PAQR5: variants seen among roughly 807,000 people sequenced by gnomAD.
The protein encoded by PAQR5 is progestin and adipoQ receptor family member 5.
PAQR5 carries 20 observed loss-of-function variants against 34.5 expected under a neutral mutation model. The observed-to-expected ratio is 0.58, with a 90% CI of 0.41 to 0.84. The LOEUF is 0.84. Ranked by LOEUF, PAQR5 falls within the 40% of genes least tolerant of loss-of-function variation. The probability of loss-of-function intolerance (pLI) is 0.00; values close to 1 mark genes in which losing one functional copy is unlikely to be tolerated. For missense variants in PAQR5, 378 were observed against 412.7 expected, an observed-to-expected ratio of 0.92 and a Z score of 0.73; for synonymous variants, 131 against 155.6, an observed-to-expected ratio of 0.84 and a Z score of 1.18.
At chr15:69,374,482 C>T (rs954449972) in intron 3 of PAQR5, among the ~76,000 whole-genome samples, 5 of 152,118 alleles carry the variant, frequency 3.3e-5, no homozygotes, top group African/African-American at 1.2e-4. Flanking sequence ...TTGAGACCAG[C>T]CTGACCAACA....
chr15:69,338,539 A>T (rs1406353039), intron 2 of PAQR5, among the ~76,000 whole-genome samples: 2 of 152,186 alleles, frequency 1.3e-5, no homozygotes, highest in African/African-American at 4.8e-5. Flanking sequence ...ACAGTTAGAA[A>T]GCGGTTCCAC....
chr15:69,333,278 T>C (rs1373976409), intron 1 of PAQR5, among the ~76,000 whole-genome samples: 1 of 152,186 alleles, frequency 6.6e-6, no homozygotes, highest in Non-Finnish European at 1.5e-5. Context: ...ACCCCAGGAA[T>C]TAAAAGCGGA....
intron 1 of PAQR5, among the ~76,000 whole-genome samples, chr15:69,300,159 G>T (rs1335594817): frequency 1.3e-5 from 2 of 152,034 alleles, no homozygotes; most frequent in Non-Finnish European, 2.9e-5. Context: ...CACCCCCCTA[G>T]GTTCTGCCTG....
At chr15:69,354,712 C>G (rs1267587818) in intron 2 of PAQR5, among the ~76,000 whole-genome samples, 3 of 152,140 alleles carry the variant, frequency 2.0e-5, no homozygotes, top group Non-Finnish European at 4.4e-5. Flanking sequence ...TAGAGAACTG[C>G]TAAGCGTGAT....
chr15:69,378,623 C>A (rs569621872), intron 3 of PAQR5, among the ~76,000 whole-genome samples: 1 of 151,980 alleles, frequency 6.6e-6, no homozygotes, highest in African/African-American at 2.4e-5. Flanking sequence ...AGAGGGTTTG[C>A]AACTTATTGT....
At chr15:69,377,146 A>G (rs906457448) in intron 3 of PAQR5, among the ~76,000 whole-genome samples, 3 of 152,276 alleles carry the variant, frequency 2.0e-5, no homozygotes, top group East Asian at 1.9e-4. Context: ...TGGAGTCTGC[A>G]TTGGAACCAG....
chr15:69,386,419 C>T (rs1442112976), intron 5 of PAQR5, among the ~76,000 whole-genome samples: 1 of 152,150 alleles, frequency 6.6e-6, no homozygotes, highest in East Asian at 1.9e-4. Context: ...GTGAGCCAGG[C>T]TTACCCTCAG....
intron 2 of PAQR5, among the ~76,000 whole-genome samples, chr15:69,341,173 C>G (rs1401564102): frequency 3.4e-5 from 5 of 148,452 alleles, no homozygotes; most frequent in African/African-American, 5.0e-5. Context: ...ATTCCCCATC[C>G]CCTCTACCCG....
rs144344096 is a variant in PAQR5, at chr15:69,383,171, C to T, written c.180-1506C>T. 7.0e-3 allele frequency among the ~76,000 whole-genome samples: 1,070 copies of T among 152,260 alleles called. 8 individuals are homozygous for T. Among genetic ancestry groups the T allele is most frequent in the Middle Eastern group, 0.041 (12 of 294 alleles). On this transcript the variant is annotated intron_variant, in intron 4 of 8. Coordinates refer to ENST00000395407, the MANE Select transcript of PAQR5 (RefSeq NM_017705.4). ...GTGAGAACACGAAGGAATTAGTCACCGCGGGGGAATGGAGACAGTAGATAG... is the reference window on the plus strand; with the variant it reads ...GTGAGAACACGAAGGAATTAGTCACTGCGGGGGAATGGAGACAGTAGATAG...
chr15:69,397,409 T>C (rs778772400), intron 6 of PAQR5, 59 bp from the exon 7 acceptor site: 11 of 1,122,868 alleles, frequency 9.8e-6, no homozygotes, highest in Non-Finnish European at 1.4e-5. Flanking sequence ...CATGTGCGTA[T>C]GCAATTTGCT....
At chr15:69,339,415 C>G (rs545865042) in intron 2 of PAQR5, among the ~76,000 whole-genome samples, 1 of 151,982 alleles carries the variant, frequency 6.6e-6, no homozygotes, top group Non-Finnish European at 1.5e-5. Flanking sequence ...GGGTACCTGG[C>G]GGCCTTAGTC....
rs2056762870 is a variant in PAQR5 at position 69,407,571 on chromosome 15, AC to A, written c.*3750del. ...TGTTTCCAAACTCAGATGTTCTCCA[AC>A]TTACACTAATGTCTGGTTTTCTTGA... is the stretch of plus-strand genomic sequence containing the variant. On this transcript the variant is annotated 3_prime_UTR_variant, in exon 9 of 9. Transcript: ENST00000395407. 1 of 152,240 alleles carries A rather than the reference AC, an allele frequency of 6.6e-6. No homozygotes were observed. Among genetic ancestry groups the A allele is most frequent in the African/African-American group, 2.4e-5 (1 of 41,462 alleles). 9.4% of individuals were successfully genotyped at this position (152,240 alleles called of 1,614,324 possible).
chr15:69,325,339 A>G (rs74579781), intron 1 of PAQR5, among the ~76,000 whole-genome samples: 6,240 of 152,252 alleles, frequency 0.041, 264 homozygotes, highest in East Asian at 0.15. Flanking sequence ...TCAGGCAGCC[A>G]CAGCACCCTG....
chr15:69,357,920 T>C (rs2055122035), intron 2 of PAQR5, among the ~76,000 whole-genome samples: 2 of 152,110 alleles, frequency 1.3e-5, no homozygotes, highest in African/African-American at 4.8e-5. Context: ...CAGCCAGCCA[T>C]GGGAGGCTTC....
intron 2 of PAQR5, among the ~76,000 whole-genome samples, chr15:69,350,338 G>T (rs1448702417): frequency 3.3e-5 from 5 of 152,110 alleles, no homozygotes; most frequent in Non-Finnish European, 7.3e-5. Flanking sequence ...GTCAACAAAG[G>T]CCTAATTCAG....
At position 69,403,603 on chromosome 15, in the gene PAQR5, C is replaced by CGT. The variant is rs769195562; in HGVS notation, c.782_783dup (p.Ile262Ter). 1 of 1,614,114 alleles carries CGT rather than the reference C, an allele frequency of 6.2e-7. No homozygotes were observed. The highest frequency in any genetic ancestry group is 8.5e-7 in the Non-Finnish European group (1 of 1,180,010). ...TAGGTCACAGTCACCAGCTGTTTCA[C>CGT]GTGTGTGTGATCCTGGCCACGCACA... On this transcript the variant is annotated frameshift_variant, in exon 9 of 9. Transcript: ENST00000395407. LOFTEE classifies it high-confidence loss of function.
At chr15:69,317,448 C>T (rs571944277) in intron 1 of PAQR5, among the ~76,000 whole-genome samples, 78 of 152,296 alleles carry the variant, frequency 5.1e-4, no homozygotes, top group Non-Finnish European at 9.0e-4. Context: ...GGGCCCATGC[C>T]GGTCCACCCC....
chr15:69,321,478 G>A (rs1309060661), intron 1 of PAQR5, among the ~76,000 whole-genome samples: 1 of 152,066 alleles, frequency 6.6e-6, no homozygotes, highest in African/African-American at 2.4e-5. Flanking sequence ...AAAGGAAAAT[G>A]GCCCAATAAA....
intron 7 of PAQR5, among the ~76,000 whole-genome samples, chr15:69,399,610 A>T (rs940355523): frequency 6.6e-6 from 1 of 152,180 alleles, no homozygotes; most frequent in Non-Finnish European, 1.5e-5. Flanking sequence ...AATACCAATT[A>T]TCTAATAGGA....
Sources: gnomAD v4.1 joint callset for allele counts (sites outside exome capture counted in the v4.1 genomes callset) on GRCh38, gnomAD v4.1.1 for gene constraint, MANE v1.5 for transcripts, NCBI Gene and HGNC (gene_info 2026-07-23, HGNC 2026-07-21) for gene names.